The following PLEKHG5 variants were observed in gnomAD, a reference collection of about 807,000 sequenced individuals.
PLEKHG5 encodes the protein pleckstrin homology and RhoGEF domain containing G5, also known as pleckstrin homology domain-containing family G member 5.
In PLEKHG5, 52 loss-of-function variants were observed where a neutral mutation model predicts 103.8. That is an observed-to-expected ratio of 0.50 (90% confidence interval 0.40 to 0.63). The LOEUF is 0.63. PLEKHG5 is among the 30% of genes least tolerant of loss of function. The pLI, the probability that PLEKHG5 is intolerant of heterozygous loss-of-function variation, is 0.00. For synonymous variants in PLEKHG5, 592 were observed against 575.5 expected (o/e 1.03, Z -0.41); for missense variants, 1,205 against 1,347.6 (o/e 0.89, Z 1.66).
upstream of PLEKHG5, among the ~76,000 whole-genome samples, chr1:6,498,444 C>G (rs952699820): frequency 6.6e-6 from 1 of 152,176 alleles, no homozygotes; most frequent in Admixed American, 6.5e-5. Flanking sequence ...GCACGGATCC[C>G]GGGTCTCCTG....
intron 3 of PLEKHG5, among the ~76,000 whole-genome samples, 200 bp from the exon 4 acceptor site, chr1:6,475,722 C>G (rs921152921): frequency 7.2e-5 from 11 of 152,184 alleles, no homozygotes; most frequent in Non-Finnish European, 1.3e-4. Flanking sequence ...GGTACCTGGT[C>G]TGGTGTGGGC....
intron 1 of PLEKHG5, among the ~76,000 whole-genome samples, chr1:6,479,309 C>T (rs535531148): frequency 1.2e-4 from 15 of 120,868 alleles, no homozygotes; most frequent in Admixed American, 3.0e-4. Flanking sequence ...TTTTTTGAGA[C>T]GGAGTCTCGC....
At chr1:6,483,522 G>A (rs374666779) in intron 1 of PLEKHG5, among the ~76,000 whole-genome samples, 7 of 152,140 alleles carry the variant, frequency 4.6e-5, no homozygotes, top group East Asian at 1.9e-4. Context: ...AAAATTAGCC[G>A]GGTGTGGTGG....
intron 1 of PLEKHG5, among the ~76,000 whole-genome samples, chr1:6,482,125 G>A (rs1380404090): frequency 6.6e-6 from 1 of 151,956 alleles, no homozygotes; most frequent in African/African-American, 2.4e-5. Context: ...ATGGCTCCCT[G>A]CCTTCCCTCC....
intron 4 of PLEKHG5, among the ~76,000 whole-genome samples, 158 bp from the exon 5 acceptor site, chr1:6,475,296 G>A (rs943857913): frequency 4.1e-5 from 5 of 121,948 alleles, no homozygotes; most frequent in Admixed American, 8.4e-5. Context: ...CCCACCCTCC[G>A]GTCTCGGATG....
At chr1:6,504,367 G>T (rs1387384281) in intron 1 of PLEKHG5, among the ~76,000 whole-genome samples, 1 of 151,828 alleles carries the variant, frequency 6.6e-6, no homozygotes, top group Admixed American at 6.6e-5. Context: ...CTCATGTCCT[G>T]CCCTCCCTGC....
intron 6 of PLEKHG5, 143 bp downstream of exon 6, chr1:6,474,308 C>A: frequency 1.5e-6 from 2 of 1,312,214 alleles, no homozygotes; most frequent in South Asian, 1.3e-5. Flanking sequence ...TCCCCTCCCC[C>A]AGCAGCATCC....
In PLEKHG5 at chr1:6,473,284, GA is replaced by G; in HGVS notation, c.761del (p.Phe254SerfsTer14). ...NRAASRFSGF[F>X]SSGPSTSAFG... ...AGGCGCTGGTGCTGGGGCCGGAGCT[GA>G]AAAAGCCGCTGAAGCGACTGGCCGC... On this transcript the variant is annotated frameshift_variant, in exon 8 of 21. Coordinates refer to ENST00000377728, the MANE Select transcript of PLEKHG5 (RefSeq NM_020631.6). LOFTEE classifies it high-confidence loss of function. 1 of 1,602,748 alleles carries G rather than the reference GA, an allele frequency of 6.2e-7. No individual in the cohort carries two copies. The highest frequency in any genetic ancestry group is 1.7e-5 in the Admixed American group (1 of 58,136).
upstream of PLEKHG5, among the ~76,000 whole-genome samples, chr1:6,492,071 A>AT (rs543222757): frequency 9.2e-5 from 14 of 152,270 alleles, no homozygotes; most frequent in East Asian, 2.7e-3. Flanking sequence ...TTGGCAAGTC[A>AT]TTTTACCTCG....
intron 1 of PLEKHG5, among the ~76,000 whole-genome samples, chr1:6,481,954 T>C (rs1644913750): frequency 6.6e-6 from 1 of 151,536 alleles, no homozygotes; most frequent in East Asian, 1.9e-4. Context: ...GGCCACCCCA[T>C]TCAGGGACCT....
At chr1:6,469,847 C>T (rs546027107) in intron 16 of PLEKHG5, among the ~76,000 whole-genome samples, 171 bp from the exon 17 acceptor site, 7 of 152,346 alleles carry the variant, frequency 4.6e-5, no homozygotes, top group Non-Finnish European at 7.3e-5. Flanking sequence ...CTGAGATGTA[C>T]GTTGATGACT....
chr1:6,489,235 G>T (rs538201502), intron 1 of PLEKHG5, among the ~76,000 whole-genome samples: 6 of 152,086 alleles, frequency 3.9e-5, no homozygotes, highest in Admixed American at 1.3e-4. Context: ...GCATGCATGG[G>T]CAGGCCAGCC....
rs1265970601 is a variant in PLEKHG5, at chr1:6,503,470, A to G, written c.-164-6901T>C. Among the ~76,000 whole-genome samples, 3 of 140,574 alleles carry G rather than the reference A, an allele frequency of 2.1e-5. No homozygotes were observed. The Admixed American group carries it at 2.2e-4, about 10-fold the overall frequency. 92.2% of individuals were successfully genotyped at this position (140,574 alleles called of 152,430 possible). Reference sequence around the variant, plus strand: ...GTCACCCAGGATGGAGTGCAATGGTATGATCTCGGCTCACTGAACCTCTGC... The same window carrying G: ...GTCACCCAGGATGGAGTGCAATGGTGTGATCTCGGCTCACTGAACCTCTGC... On this transcript the variant is annotated intron_variant, in intron 1 of 21. Coordinates refer to the PLEKHG5 transcript ENST00000377740.
chr1:6,499,009 G>A (rs978644777), upstream of PLEKHG5, among the ~76,000 whole-genome samples: 3 of 152,180 alleles, frequency 2.0e-5, no homozygotes, highest in African/African-American at 2.4e-5. Context: ...GTGTTTCCAC[G>A]GGGACCTGGA....
chr1:6,472,180 C>G (rs1388794417), intron 10 of PLEKHG5, among the ~76,000 whole-genome samples: 4 of 152,234 alleles, frequency 2.6e-5, no homozygotes, highest in African/African-American at 4.8e-5. Context: ...GTAGGTGCTC[C>G]CCTCCCTGAG....
intron 16 of PLEKHG5, 116 bp from the exon 17 acceptor site, chr1:6,469,792 A>G (rs1040048176): frequency 1.4e-4 from 121 of 878,882 alleles, no homozygotes; most frequent in Admixed American, 1.2e-4. Flanking sequence ...CCCACCATGA[A>G]CCTTCAAGTA....
Position 6,505,764 on chromosome 1 carries a change from G to C in PLEKHG5, c.-164-9195C>G, listed in dbSNP as rs191393671. ...AGGCCAGGCCTGAAGCCCAGTGCAG[G>C]GCCCACGCTGCCCAGCCAGGCCAGC... is the stretch of plus-strand genomic sequence containing the variant. On this transcript the variant is annotated intron_variant, in intron 1 of 21. Transcript: ENST00000377740. This position sits in a 1 kb window ranked among gnomAD's most constrained non-coding sequence, Gnocchi z 4.2. Among the ~76,000 whole-genome samples the C allele has an allele frequency of 8.2e-3, 1,252 of 152,326 alleles. 71 individuals are homozygous for C. The highest frequency in any genetic ancestry group is 1.9e-3 in the Non-Finnish European group (129 of 68,030).
Position 6,469,575 on chromosome 1 carries a change from G to A in PLEKHG5, c.1902C>T (p.Asp634=). ...CCCGTAGCTCCCGGCACACAATCTTGTCCACGAGCAGGGGTGGCCTGATGA... is the reference window on the plus strand; with the variant it reads ...CCCGTAGCTCCCGGCACACAATCTTATCCACGAGCAGGGGTGGCCTGATGA... ...TRVIRPPLLV[D]KIVCRELRDP... The change falls in exon 17 of 21, where the codon GAC becomes GAT. Residue 634 remains aspartate, a synonymous_variant. Transcript: ENST00000377728. 1.2e-6 allele frequency: 2 copies of A among 1,613,868 alleles called. No individual in the cohort carries two copies. The highest frequency in any genetic ancestry group is 1.7e-6 in the Non-Finnish European group (2 of 1,180,042).
chr1:6,493,811 A>G (rs1275578631), upstream of PLEKHG5, among the ~76,000 whole-genome samples: 2 of 152,014 alleles, frequency 1.3e-5, no homozygotes, highest in Non-Finnish European at 2.9e-5. Flanking sequence ...GTGTGCCACC[A>G]TGTCCGGCTA....
Sources: allele counts gnomAD v4.1 joint callset (sites outside exome capture counted in the v4.1 genomes callset), GRCh38; gene constraint gnomAD v4.1.1; non-coding constraint Gnocchi (gnomAD v3.1); transcripts MANE v1.5; gene names NCBI Gene and HGNC (gene_info 2026-07-23, HGNC 2026-07-21).